The following KDELR2 variants were observed in gnomAD, a reference collection of about 807,000 sequenced individuals.
KDELR2 encodes the protein KDEL endoplasmic reticulum protein retention receptor 2.
A neutral mutation model predicts 23.9 loss-of-function variants in KDELR2; 15 were observed. The observed-to-expected ratio is 0.63, with a 90% confidence interval of 0.42 to 0.97. KDELR2 has a LOEUF of 0.97. KDELR2 is among the 50% of genes least tolerant of loss of function. The pLI is 0.00. For missense variants in KDELR2, 272 were observed against 254.6 expected (o/e 1.07, Z -0.46); for synonymous variants, 119 against 106.2 (o/e 1.12, Z -0.74).
At chr7:6,479,087 C>A (rs1206202174) in intron 1 of KDELR2, among the ~76,000 whole-genome samples, 4 of 152,106 alleles carry the variant, frequency 2.6e-5, no homozygotes, top group Admixed American at 6.6e-5. Flanking sequence ...CCGTGCTCGG[C>A]CATCTTTTGT....
rs1266196568 is a variant in KDELR2, at chr7:6,462,789, A to C, written c.*352T>G. 5.7e-6 allele frequency: 3 copies of C among 530,324 alleles called. No individual in the cohort carries two copies. Among genetic ancestry groups the C allele is most frequent in the Admixed American group, 3.7e-5 (1 of 27,114 alleles). The allele number at this position is 530,324 out of a possible 1,614,324, so 32.9% of individuals were successfully genotyped here. A position where few individuals can be genotyped will look rare whatever the true frequency, so the allele number is the denominator to read the frequency against. On this transcript the variant is annotated 3_prime_UTR_variant, in exon 5 of 5. Transcript: ENST00000258739. Reference sequence around the variant, plus strand: ...ATTTCATTGCAGACACAAAGACTTAAGAGTTTCAAAGAATTTTTTAAAATA... The same window carrying C: ...ATTTCATTGCAGACACAAAGACTTACGAGTTTCAAAGAATTTTTTAAAATA...
At chr7:6,477,145 C>G (rs1785770479) in intron 1 of KDELR2, among the ~76,000 whole-genome samples, 1 of 152,218 alleles carries the variant, frequency 6.6e-6, no homozygotes, top group Non-Finnish European at 1.5e-5. Flanking sequence ...TAACTACTAG[C>G]TAGAGGGTGA....
intron 2 of KDELR2, among the ~76,000 whole-genome samples, chr7:6,472,484 A>C (rs1024112123): frequency 2.0e-5 from 3 of 152,182 alleles, no homozygotes; most frequent in Non-Finnish European, 4.4e-5. Context: ...TGAGGGGGAG[A>C]GAGGATTCTT....
intron 3 of KDELR2, 103 bp from the exon 4 acceptor site, chr7:6,466,426 G>A: frequency 6.9e-7 from 1 of 1,448,548 alleles, no homozygotes; most frequent in South Asian, 1.3e-5. Flanking sequence ...AGATGAGTGG[G>A]GAGTGGGGCA....
intron 1 of KDELR2, among the ~76,000 whole-genome samples, chr7:6,479,851 CA>C (rs1387806185): frequency 6.6e-6 from 1 of 152,120 alleles, no homozygotes; most frequent in Non-Finnish European, 1.5e-5. Context: ...AGTGGGTGGT[CA>C]ATAAATGAGA....
rs1270201234 is a variant in KDELR2 at position 6,469,667 on chromosome 7, G to C, written c.280C>G (p.Arg94Gly). ...ACAGGGACCACCAGAAACTCCACTC[G>C]GAAGGTATCATGATTTCCATCGTAG... ...ATYDGNHDTF[R>G]VEFLVVPVGG... The change falls in exon 3 of 5, where the codon CGA (arginine) becomes GGA (glycine). Residue 94 changes from arginine (R) to glycine (G), a missense_variant. Transcript: ENST00000258739. The C allele has an allele frequency of 1.9e-6, 3 of 1,613,918 alleles. No homozygotes were observed. Among genetic ancestry groups the C allele is most frequent in the Non-Finnish European group, 2.5e-6 (3 of 1,179,952 alleles).
chr7:6,471,718 A>G (rs1411699146), intron 2 of KDELR2, among the ~76,000 whole-genome samples: 1 of 152,108 alleles, frequency 6.6e-6, no homozygotes, highest in African/African-American at 2.4e-5. Flanking sequence ...GGTCCATTGT[A>G]TGGATGCACC....
At chr7:6,475,835 G>A (rs1183486356) in intron 1 of KDELR2, among the ~76,000 whole-genome samples, 1 of 152,220 alleles carries the variant, frequency 6.6e-6, no homozygotes, top group African/African-American at 2.4e-5. Flanking sequence ...ACACATTTTA[G>A]TAAGTATGAA....
At chr7:6,483,148 G>T (rs895336355) in intron 1 of KDELR2, among the ~76,000 whole-genome samples, 4 of 152,186 alleles carry the variant, frequency 2.6e-5, no homozygotes, top group Non-Finnish European at 5.9e-5. Flanking sequence ...TCTTGATCAG[G>T]GAACCAGCCA....
intron 1 of KDELR2, among the ~76,000 whole-genome samples, chr7:6,481,969 GTTTATTTA>G (rs66801708): frequency 0.051 from 7,560 of 147,174 alleles, 277 homozygotes; most frequent in East Asian, 0.16. Context: ...TCCTAAGGTC[GTTTATTTA>G]TTTATTTATT....
rs1785499883 is a variant in KDELR2 at position 6,466,212 on chromosome 7, G to A, written c.463C>T (p.Leu155=). The change falls in exon 4 of 5, where the codon CTG becomes TTG. Residue 155 remains leucine (L), a synonymous_variant. Coordinates refer to ENST00000258739, the MANE Select transcript of KDELR2 (RefSeq NM_006854.4). ...AGATACAAAGCACGATAGAGGCCCA[G>A]GAAGAACAGGTAGTGGGTGGTGATG... ...ETITTHYLFF[L]GLYRALYLVN... is the part of the protein sequence containing the mutation. 1 of 1,614,188 alleles carries A rather than the reference G, an allele frequency of 6.2e-7. No individual in the cohort carries two copies. The highest frequency in any genetic ancestry group is 1.3e-5 in the African/African-American group (1 of 75,046).
chr7:6,481,136 C>G (rs368665927), intron 1 of KDELR2, among the ~76,000 whole-genome samples: 1 of 152,062 alleles, frequency 6.6e-6, no homozygotes, highest in Non-Finnish European at 1.5e-5. Flanking sequence ...TTTGTGAGGC[C>G]GAAGCGGGCG....
At chr7:6,464,039 A>T (rs1785444006) in intron 4 of KDELR2, among the ~76,000 whole-genome samples, 1 of 149,582 alleles carries the variant, frequency 6.7e-6, no homozygotes, top group Non-Finnish European at 1.5e-5. Context: ...TCTACTAAAA[A>T]TACAAAAATT....
chr7:6,466,783 T>C (rs558091376), intron 3 of KDELR2, among the ~76,000 whole-genome samples: 2 of 152,000 alleles, frequency 1.3e-5, no homozygotes, highest in South Asian at 4.2e-4. Context: ...ATCCCTCAGA[T>C]GCACAGTTCA....
intron 3 of KDELR2, among the ~76,000 whole-genome samples, chr7:6,468,751 G>A (rs1423484766): frequency 2.6e-5 from 4 of 152,062 alleles, no homozygotes; most frequent in African/African-American, 7.2e-5. Context: ...TGTCCCACCT[G>A]CCTCAGCCTC....
chr7:6,474,105 T>C, intron 2 of KDELR2, 79 bp downstream of exon 2: 1 of 861,460 alleles, frequency 1.2e-6, no homozygotes, highest in South Asian at 1.5e-5. Flanking sequence ...TAATTAAAAA[T>C]ACACAGCTGA....
intron 3 of KDELR2, among the ~76,000 whole-genome samples, chr7:6,468,328 T>C (rs183741493): frequency 2.1e-4 from 32 of 152,274 alleles, no homozygotes; most frequent in African/African-American, 7.5e-4. Context: ...GACATGACCA[T>C]GAAATTAACT....
At chr7:6,482,174 G>C (rs1017231583) in intron 1 of KDELR2, among the ~76,000 whole-genome samples, 1 of 151,982 alleles carries the variant, frequency 6.6e-6, no homozygotes, top group Non-Finnish European at 1.5e-5. Flanking sequence ...GGCTAATTTT[G>C]TATTTTTAGT....
chr7:6,470,688 T>C (rs1260107757), intron 2 of KDELR2, among the ~76,000 whole-genome samples: 1 of 152,156 alleles, frequency 6.6e-6, no homozygotes, highest in Non-Finnish European at 1.5e-5. Context: ...TAGTAGGAGG[T>C]ACTCCTTATA....
Sources: gnomAD v4.1 joint callset for allele counts (sites outside exome capture counted in the v4.1 genomes callset) on GRCh38, gnomAD v4.1.1 for gene constraint, MANE v1.5 for transcripts, NCBI Gene and HGNC (gene_info 2026-07-23, HGNC 2026-07-21) for gene names.